Variants in CANX observed in about 807,000 individuals in gnomAD.
CANX encodes calnexin, also known as epididymis secretory sperm binding protein.
Under a neutral mutation model 75.7 loss-of-function variants are expected in CANX, and 14 were observed. The ratio of observed to expected loss-of-function variants is 0.19; its 90% CI spans 0.12 to 0.29. CANX has a LOEUF of 0.29. CANX is among the 10% of genes least tolerant of loss of function. CANX has a pLI of 1.00. For synonymous variants in CANX, 227 were observed against 236.9 expected, an observed-to-expected ratio of 0.96 and a Z score of 0.38; for missense variants, 567 against 713.2, an observed-to-expected ratio of 0.79 and a Z score of 2.34.
intron 1 of CANX, among the ~76,000 whole-genome samples, chr5:179,689,943 G>C (rs1168176867): frequency 6.6e-6 from 1 of 152,160 alleles, no homozygotes; most frequent in Non-Finnish European, 1.5e-5. Context: ...GATGAGGTTT[G>C]GAGCCCGTGA....
rs189685130 is a variant in CANX at position 179,692,908 on chromosome 5, A to C, written c.-3-12771A>C. ...ACGCCTGTAATCCCAGCACTTTGGG[A>C]GGCCAAGGCGGGTGGATCACGAGGT... On this transcript the variant is annotated intron_variant, in intron 1 of 14. Transcript: ENST00000681674. 2.7e-3 allele frequency among the ~76,000 whole-genome samples: 410 copies of C among 152,260 alleles called. 1 individual carries two copies. The highest frequency in any genetic ancestry group is 9.5e-3 in the African/African-American group (393 of 41,578).
chr5:179,718,805 G>A (rs1275993083), intron 8 of CANX, among the ~76,000 whole-genome samples: 2 of 152,192 alleles, frequency 1.3e-5, no homozygotes, highest in African/African-American at 2.4e-5. Context: ...TAGGATTACA[G>A]GCATGAGCCA....
chr5:179,701,239 A>C (rs929288818), intron 1 of CANX, among the ~76,000 whole-genome samples: 3 of 151,980 alleles, frequency 2.0e-5, no homozygotes, highest in Non-Finnish European at 4.4e-5. Context: ...TGGGTTCCTC[A>C]CCTTTAGGGG....
At chr5:179,679,667 T>C (rs1776003256) in intron 1 of CANX, among the ~76,000 whole-genome samples, 3 of 149,956 alleles carry the variant, frequency 2.0e-5, no homozygotes, top group African/African-American at 7.5e-5. Context: ...TTTCTTTTTC[T>C]TTTTTTTTGA....
intron 1 of CANX, among the ~76,000 whole-genome samples, chr5:179,705,268 C>T (rs949185432): frequency 6.6e-6 from 1 of 152,192 alleles, no homozygotes; most frequent in African/African-American, 2.4e-5. Flanking sequence ...CAGGCGTGAG[C>T]CACGGCGCCC....
intron 1 of CANX, among the ~76,000 whole-genome samples, chr5:179,685,314 G>T (rs1482378620): frequency 6.6e-6 from 1 of 151,928 alleles, no homozygotes; most frequent in Non-Finnish European, 1.5e-5. Context: ...CACTCTTGTT[G>T]CCCAGGCTGA....
chr5:179,724,002 T>C (rs993773888), intron 12 of CANX, among the ~76,000 whole-genome samples: 15 of 152,092 alleles, frequency 9.9e-5, no homozygotes, highest in African/African-American at 3.6e-4. Flanking sequence ...TTATTATTTA[T>C]CCTAATCTGT....
chr5:179,698,795 C>A, upstream of CANX: 2 of 672,378 alleles, frequency 3.0e-6, no homozygotes, highest in Non-Finnish European at 4.4e-6. Flanking sequence ...TCACACTCCA[C>A]GAAGAATAGC....
intron 10 of CANX, among the ~76,000 whole-genome samples, 154 bp from the exon 11 acceptor site, chr5:179,722,650 G>T (rs1326188788): frequency 6.6e-6 from 1 of 152,122 alleles, no homozygotes; most frequent in Non-Finnish European, 1.5e-5. Context: ...ATAATCTGTA[G>T]CATTTGTTAT....
chr5:179,688,932 G>C (rs1431923501), intron 1 of CANX, among the ~76,000 whole-genome samples: 2 of 151,450 alleles, frequency 1.3e-5, no homozygotes, highest in African/African-American at 2.4e-5. Context: ...CTGGACAACA[G>C]AGTGAGACAC....
chr5:179,698,585 G>C (rs7701901), upstream of CANX: 6 of 1,289,224 alleles, frequency 4.7e-6, no homozygotes, highest in East Asian at 2.2e-4. Context: ...CCCAAGTCTC[G>C]GCTCCAGGAA....
chr5:179,716,949 T>G (rs1777997416), intron 8 of CANX, among the ~76,000 whole-genome samples: 1 of 152,188 alleles, frequency 6.6e-6, no homozygotes, highest in Non-Finnish European at 1.5e-5. Flanking sequence ...GAATGTCGTA[T>G]GCAGAAGTAG....
chr5:179,683,668 G>C lies in CANX; in HGVS notation c.-4+4891G>C, dbSNP rs192173275. The stretch of plus-strand genomic sequence containing the variant: ...CCTGTCTCAGCCTCCCAAGTAGCTG[G>C]GATTACAGGTGCCTGCCACCACACC... On this transcript the variant is annotated intron_variant, in intron 1 of 14. Coordinates refer to the CANX transcript ENST00000681674. 2.6e-5 allele frequency among the ~76,000 whole-genome samples: 4 copies of C among 151,902 alleles called. No individual in the cohort carries two copies. The East Asian group carries it at 7.8e-4, about 29-fold the overall frequency.
chr5:179,711,289 G>T (rs901974737), intron 7 of CANX, among the ~76,000 whole-genome samples: 1 of 151,930 alleles, frequency 6.6e-6, no homozygotes, highest in Non-Finnish European at 1.5e-5. Flanking sequence ...GAGTATAGTG[G>T]CATGTGCCTG....
upstream of CANX, among the ~76,000 whole-genome samples, chr5:179,695,432 C>T (rs1406060283): frequency 5.3e-5 from 8 of 151,712 alleles, no homozygotes; most frequent in African/African-American, 1.9e-4. Context: ...TGGGTTCAAG[C>T]GATTCTCTTG....
At chr5:179,712,417 A>G (rs1479019136) in intron 7 of CANX, among the ~76,000 whole-genome samples, 1 of 151,068 alleles carries the variant, frequency 6.6e-6, no homozygotes, top group Non-Finnish European at 1.5e-5. Flanking sequence ...TGAAGAATAT[A>G]ATAACCTTTT....
rs540517548 is a variant in CANX, at chr5:179,684,717, A to G, written c.-4+5940A>G. On this transcript the variant is annotated intron_variant, in intron 1 of 14. Coordinates refer to the CANX transcript ENST00000681674. ...TGCTGTTGTTTTGTTGTTGTTTTAA[A>G]TTTTTAACAGCAAGCTCATCCTTAA... is the stretch of plus-strand genomic sequence containing the variant. Among the ~76,000 whole-genome samples the G allele has an allele frequency of 9.2e-5, 14 of 151,650 alleles. No individual in the cohort carries two copies. In the East Asian group the frequency reaches 2.7e-3, roughly 29 times the overall value.
At chr5:179,698,551 G>C (rs1177483981), upstream of CANX, 1 of 1,289,418 alleles carries the variant, frequency 7.8e-7, no homozygotes, top group Admixed American at 2.3e-5. Flanking sequence ...CGTTTGCCCC[G>C]TCAGCGAAGG....
At chr5:179,698,874 CG>C, upstream of CANX, 1 of 1,114,244 alleles carries the variant, frequency 9.0e-7, no homozygotes, top group Non-Finnish European at 1.1e-6. Flanking sequence ...GGGGCTTGCG[CG>C]GGAGGGCGGG....
Sources: gnomAD v4.1 joint callset for allele counts (sites outside exome capture counted in the v4.1 genomes callset) on GRCh38, gnomAD v4.1.1 for gene constraint, MANE v1.5 for transcripts, NCBI Gene and HGNC (gene_info 2026-07-23, HGNC 2026-07-21) for gene names.